Variants in TENM3 observed in about 807,000 individuals in gnomAD.
TENM3 encodes the protein teneurin-3.
Under a neutral mutation model 255.1 loss-of-function variants are expected in TENM3, and 63 were observed. The observed-to-expected ratio is 0.25, with a 90% confidence interval of 0.20 to 0.30. The LOEUF is 0.30. TENM3 is among the 10% of genes least tolerant of loss of function. TENM3 has a pLI of 1.00. For synonymous variants in TENM3, 1,306 were observed against 1,322.3 expected (o/e 0.99, Z 0.27); for missense variants, 2,929 against 3,461.1 (o/e 0.85, Z 3.86).
chr4:182,499,250 T>A (rs62337194), intron 3 of TENM3, among the ~76,000 whole-genome samples: 2,210 of 152,338 alleles, frequency 0.015, 22 homozygotes, highest in Middle Eastern at 0.037. Context: ...GAACTCAATA[T>A]TTAGGGTAAC....
chr4:181,571,078 G>A, the TENM3 span, among the ~76,000 whole-genome samples: 1 of 152,112 alleles, frequency 6.6e-6, no homozygotes, highest in African/African-American at 2.4e-5. Context: ...GTGGATTTAT[G>A]GTCCCCCTGG....
chr4:181,800,244 C>A, the TENM3 span, among the ~76,000 whole-genome samples: 1 of 152,104 alleles, frequency 6.6e-6, no homozygotes, highest in Non-Finnish European at 1.5e-5. Flanking sequence ...ACCATGGTCA[C>A]CAGATGAACA....
At chr4:181,648,381 A>G in the TENM3 span, among the ~76,000 whole-genome samples, 2 of 151,166 alleles carry the variant, frequency 1.3e-5, no homozygotes, top group African/African-American at 2.4e-5. Flanking sequence ...ACTGACTCAT[A>G]TGAAGCACGC....
intron 11 of TENM3, among the ~76,000 whole-genome samples, chr4:182,682,440 C>T (rs939545687): frequency 3.3e-5 from 5 of 152,120 alleles, no homozygotes; most frequent in African/African-American, 1.2e-4. Flanking sequence ...CAGGTATAGA[C>T]ATTATGATAT....
intron 22 of TENM3, among the ~76,000 whole-genome samples, chr4:182,769,503 GC>G (rs1218677629): frequency 6.6e-6 from 1 of 152,208 alleles, no homozygotes; most frequent in Non-Finnish European, 1.5e-5. Flanking sequence ...GCAGTCCTAG[GC>G]CGGGCGTGGT....
intron 1 of TENM3, among the ~76,000 whole-genome samples, chr4:182,261,000 T>C (rs1758747414): frequency 6.6e-6 from 1 of 152,178 alleles, no homozygotes; most frequent in South Asian, 2.1e-4. Context: ...TTCAGCCTCC[T>C]GAGTAGCTGG....
intron 3 of TENM3, among the ~76,000 whole-genome samples, chr4:182,440,783 C>T (rs10027571): frequency 0.014 from 2,192 of 151,222 alleles, 43 homozygotes; most frequent in African/African-American, 0.044. Flanking sequence ...TGCGGAAGAC[C>T]GTGCGGAAGG....
rs539819980 is a variant in TENM3 at position 182,164,778 on chromosome 4, GA to G, written c.-76+20031del. 2.4e-4 allele frequency among the ~76,000 whole-genome samples: 37 copies of G among 152,104 alleles called. No homozygotes were observed. The South Asian group carries it at 6.2e-3, about 26-fold the overall frequency. On this transcript the variant is annotated intron_variant, in intron 1 of 2. Coordinates refer to the TENM3 transcript ENST00000512480. ...ATATTTATTGGTTGAATGAGCAAATGAAAAAAAGTCCCAGGGTTCTAAAAAC... is the reference window on the plus strand; with the variant it reads ...ATATTTATTGGTTGAATGAGCAAATGAAAAAAGTCCCAGGGTTCTAAAAAC...
intron 3 of TENM3, among the ~76,000 whole-genome samples, chr4:182,417,119 G>A (rs1031449011): frequency 9.2e-5 from 14 of 151,784 alleles, no homozygotes; most frequent in Non-Finnish European, 2.1e-4. Flanking sequence ...GATTACAGGC[G>A]CCTGCCACCA....
chr4:182,420,012 TATAATA>T (rs749568575), intron 3 of TENM3, among the ~76,000 whole-genome samples: 31 of 151,614 alleles, frequency 2.0e-4, no homozygotes, highest in African/African-American at 7.2e-4. Context: ...GAACTTAAAG[TATAATA>T]ATAATAATAA....
chr4:182,537,926 A>G (rs186862272), intron 3 of TENM3, among the ~76,000 whole-genome samples: 256 of 152,246 alleles, frequency 1.7e-3, no homozygotes, highest in African/African-American at 5.9e-3. Flanking sequence ...ACTGACTGCT[A>G]TTTTGGAGAG....
intron 5 of TENM3, among the ~76,000 whole-genome samples, chr4:182,632,613 TA>T (rs1462542951): frequency 1.3e-5 from 2 of 152,182 alleles, no homozygotes; most frequent in African/African-American, 4.8e-5. Context: ...CTTTTTGATT[TA>T]AAAAGGCTAT....
intron 11 of TENM3, among the ~76,000 whole-genome samples, chr4:182,686,979 C>T (rs1245483502): frequency 2.0e-5 from 3 of 152,076 alleles, no homozygotes; most frequent in African/African-American, 7.2e-5. Context: ...GTTAATAGTC[C>T]TGGGTGTTGT....
the TENM3 span, among the ~76,000 whole-genome samples, chr4:181,998,882 A>G: frequency 7.2e-5 from 11 of 152,268 alleles, no homozygotes; most frequent in Non-Finnish European, 1.3e-4. Flanking sequence ...CAGCTCCAAC[A>G]ATTATTAGTT....
At chr4:181,683,783 G>A in the TENM3 span, among the ~76,000 whole-genome samples, 1 of 152,096 alleles carries the variant, frequency 6.6e-6, no homozygotes, top group African/African-American at 2.4e-5. Flanking sequence ...ACCCGATGAC[G>A]GACCCTGTGC....
chr4:181,960,416 A>G, the TENM3 span, among the ~76,000 whole-genome samples: 1 of 152,200 alleles, frequency 6.6e-6, no homozygotes, highest in Non-Finnish European at 1.5e-5. Flanking sequence ...ATTTCAGTAC[A>G]CATATAATAC....
chr4:181,667,031 T>C, the TENM3 span, among the ~76,000 whole-genome samples: 1 of 152,218 alleles, frequency 6.6e-6, no homozygotes, highest in Non-Finnish European at 1.5e-5. Context: ...CTAACATTGT[T>C]ATGCTTACAA....
chr4:181,919,654 G>C, the TENM3 span, among the ~76,000 whole-genome samples: 1 of 152,000 alleles, frequency 6.6e-6, no homozygotes, highest in African/African-American at 2.4e-5. Flanking sequence ...CTGTTCATCA[G>C]ATGAAGTGAC....
At chr4:182,761,510 T>C (rs183405246) in intron 22 of TENM3, among the ~76,000 whole-genome samples, 94 of 152,184 alleles carry the variant, frequency 6.2e-4, no homozygotes, top group African/African-American at 2.1e-3. Context: ...CATCCAACCC[T>C]AAAAACTGAA....
Sources: gnomAD v4.1 joint callset for allele counts (sites outside exome capture counted in the v4.1 genomes callset) on GRCh38, gnomAD v4.1.1 for gene constraint, MANE v1.5 for transcripts, NCBI Gene and HGNC (gene_info 2026-07-23, HGNC 2026-07-21) for gene names.